The following FHIT variants were observed in gnomAD, a reference collection of about 807,000 sequenced individuals.
FHIT encodes bis(5'-adenosyl)-triphosphatase.
Under a neutral mutation model 17.9 loss-of-function variants are expected in FHIT, and 19 were observed. The ratio of observed to expected loss-of-function variants is 1.06; its 90% confidence interval spans 0.74 to 1.56. The LOEUF (loss-of-function observed/expected upper bound fraction) is 1.56, where lower values mean the gene tolerates loss of function less well. Among genes scored for constraint, FHIT ranks in the 40% most tolerant of loss-of-function variants. The pLI, the probability that FHIT is intolerant of heterozygous loss-of-function variation, is 0.00. For synonymous variants in FHIT, 81 were observed against 69.7 expected, an observed-to-expected ratio of 1.16 and a Z score of -0.81; for missense variants, 248 against 189.2, an observed-to-expected ratio of 1.31 and a Z score of -1.82.
chr3:60,386,646 T>TA (rs1438366124), intron 5 of FHIT, among the ~76,000 whole-genome samples: 9 of 152,294 alleles, frequency 5.9e-5, no homozygotes, highest in African/African-American at 2.2e-4. Flanking sequence ...CAATTTCTTC[T>TA]GTTGTATACA....
At chr3:60,204,895 T>C (rs1703098885) in intron 5 of FHIT, among the ~76,000 whole-genome samples, 1 of 151,892 alleles carries the variant, frequency 6.6e-6, no homozygotes, top group African/African-American at 2.4e-5. Flanking sequence ...TCTATCCCAT[T>C]AAAAGTAGGT....
chr3:60,118,089 A>T (rs1196920524), intron 5 of FHIT, among the ~76,000 whole-genome samples: 1 of 152,148 alleles, frequency 6.6e-6, no homozygotes, highest in African/African-American at 2.4e-5. Context: ...AATGTACAGC[A>T]AGGTGTTATA....
At chr3:60,439,192 A>G (rs1236167932) in intron 5 of FHIT, among the ~76,000 whole-genome samples, 1 of 152,124 alleles carries the variant, frequency 6.6e-6, no homozygotes, top group African/African-American at 2.4e-5. Context: ...ACAGTGGGTA[A>G]CATTTATTTG....
intron 8 of FHIT, among the ~76,000 whole-genome samples, chr3:59,910,568 G>C (rs1370195164): frequency 6.6e-6 from 1 of 152,074 alleles, no homozygotes; most frequent in African/African-American, 2.4e-5. Context: ...TGGCTAGGAT[G>C]GCTTATTCCT....
intron 3 of FHIT, among the ~76,000 whole-genome samples, chr3:61,015,652 T>C (rs1370962963): frequency 6.6e-6 from 1 of 152,198 alleles, no homozygotes; most frequent in Non-Finnish European, 1.5e-5. Context: ...ATGCAACTCC[T>C]GGTTATTAGA....
intron 7 of FHIT, among the ~76,000 whole-genome samples, chr3:59,991,740 G>A (rs1243095579): frequency 6.6e-6 from 1 of 151,980 alleles, no homozygotes; most frequent in Non-Finnish European, 1.5e-5. Flanking sequence ...AACAGTCGTT[G>A]TCTCCCTGAT....
intron 5 of FHIT, among the ~76,000 whole-genome samples, chr3:60,223,024 A>G (rs1340445083): frequency 6.6e-6 from 1 of 152,202 alleles, no homozygotes; most frequent in African/African-American, 2.4e-5. Context: ...CTCCTTGACT[A>G]TTAAAACACA....
chr3:60,655,758 C>A (rs1233792441), intron 4 of FHIT, among the ~76,000 whole-genome samples: 1 of 152,174 alleles, frequency 6.6e-6, no homozygotes, highest in Non-Finnish European at 1.5e-5. Flanking sequence ...CATATTCTCT[C>A]ACATCCCCAA....
In FHIT at chr3:60,249,689, GAC is replaced by G. The variant is rs59885844; in HGVS notation, c.104-235539_104-235538del. Among the ~76,000 whole-genome samples, 1,163 of 137,106 alleles carry G rather than the reference GAC, an allele frequency of 8.5e-3. 15 individuals carry two copies. The highest frequency in any genetic ancestry group is 0.03 in the South Asian group (122 of 4,060). 89.9% of individuals were successfully genotyped at this position (137,106 alleles called of 152,430 possible). ...CACAATATCAAGGAAATACAGCCAA[GAC>G]ACACACACACACACACACACACACA... On this transcript the variant is annotated intron_variant, in intron 5 of 9. Transcript: ENST00000492590.
In FHIT at chr3:60,250,391, T is replaced by C. The variant is rs138427963; in HGVS notation, c.104-236239A>G. On this transcript the variant is annotated intron_variant, in intron 5 of 9. Transcript: ENST00000492590. ...TCATATACTGACAATTCAAGAGCATTATTGCATCATTTGCTGCCAAATGGA... is the reference window on the plus strand; with the variant it reads ...TCATATACTGACAATTCAAGAGCATCATTGCATCATTTGCTGCCAAATGGA... Among the ~76,000 whole-genome samples the C allele has an allele frequency of 9.6e-4, 146 of 152,286 alleles. 1 individual carries two copies. Among genetic ancestry groups the C allele is most frequent in the Non-Finnish European group, 1.6e-3 (106 of 68,032 alleles).
intron 4 of FHIT, among the ~76,000 whole-genome samples, chr3:60,549,770 A>G (rs560912416): frequency 7.2e-5 from 11 of 152,374 alleles, no homozygotes; most frequent in African/African-American, 2.2e-4. Context: ...GAAGTCAGAC[A>G]CAATGAAAAA....
At chr3:60,256,899 C>G (rs1207996759) in intron 5 of FHIT, among the ~76,000 whole-genome samples, 1 of 152,134 alleles carries the variant, frequency 6.6e-6, no homozygotes, top group Admixed American at 6.6e-5. Flanking sequence ...TGTGTGGAAC[C>G]TACGCAATGT....
chr3:60,576,800 AACAG>A (rs772318821), intron 4 of FHIT, among the ~76,000 whole-genome samples: 1 of 152,132 alleles, frequency 6.6e-6, no homozygotes, highest in Non-Finnish European at 1.5e-5. Context: ...CTTTCCATGT[AACAG>A]ACAGGGTGGT....
chr3:60,811,137 T>C (rs533987639), intron 4 of FHIT, among the ~76,000 whole-genome samples: 28 of 152,270 alleles, frequency 1.8e-4, no homozygotes, highest in Admixed American at 4.6e-4. Flanking sequence ...CATACTTAAA[T>C]AGAGACTAGT....
intron 5 of FHIT, among the ~76,000 whole-genome samples, chr3:60,471,752 G>T (rs138137674): frequency 6.6e-6 from 1 of 151,976 alleles, no homozygotes; most frequent in Non-Finnish European, 1.5e-5. Flanking sequence ...TGTTTCTGCC[G>T]GGGAACAACC....
chr3:60,879,658 CA>C (rs1395982003), intron 3 of FHIT, among the ~76,000 whole-genome samples: 2 of 151,650 alleles, frequency 1.3e-5, no homozygotes, highest in African/African-American at 4.8e-5. Context: ...TACAGATAGA[CA>C]ATTCAACAAA....
intron 1 of FHIT, among the ~76,000 whole-genome samples, chr3:61,211,607 C>G (rs933511297): frequency 1.3e-5 from 2 of 152,232 alleles, no homozygotes; most frequent in African/African-American, 4.8e-5. Context: ...CAGCAGTAAC[C>G]TCTGCAGACT....
At chr3:59,892,142 GAAC>G (rs1023646210) in intron 8 of FHIT, among the ~76,000 whole-genome samples, 5 of 152,150 alleles carry the variant, frequency 3.3e-5, no homozygotes, top group African/African-American at 1.2e-4. Flanking sequence ...CATACAAGTT[GAAC>G]AACAACAAAA....
At position 61,054,361 on chromosome 3, in the gene FHIT, C is replaced by T. The variant is rs1190608333; in HGVS notation, c.-163-12262G>A. Among the ~76,000 whole-genome samples the T allele has an allele frequency of 2.6e-5, 4 of 151,032 alleles. No homozygotes were observed. The East Asian group carries it at 7.8e-4, about 30-fold the overall frequency. On this transcript the variant is annotated intron_variant, in intron 2 of 9. Transcript: ENST00000492590. ...GTAATGTTTTTGTAACAAATTATCT[C>T]TTTTTTTTTCCAGAAAAAAAGGCAT... is the stretch of plus-strand genomic sequence containing the variant.
Sources: allele counts gnomAD v4.1 joint callset (sites outside exome capture counted in the v4.1 genomes callset), GRCh38; gene constraint gnomAD v4.1.1; transcripts MANE v1.5; gene names NCBI Gene and HGNC (gene_info 2026-07-23, HGNC 2026-07-21).